Variants in IGSF21 observed in about 807,000 individuals in gnomAD.
IGSF21 encodes immunoglobin superfamily member 21, also known as immunoglobulin superfamily member 21.
In IGSF21, 28 loss-of-function variants were observed where a neutral mutation model predicts 46.8. That is an observed-to-expected ratio of 0.60 (90% CI 0.44 to 0.82). The LOEUF (loss-of-function observed/expected upper bound fraction) is 0.82. Among genes scored for constraint, IGSF21 ranks in the 40% least tolerant of loss-of-function variants. The pLI is 0.00. For missense variants in IGSF21, 624 were observed against 665.5 expected, an observed-to-expected ratio of 0.94 and a Z score of 0.69; for synonymous variants, 284 against 273.6, an observed-to-expected ratio of 1.04 and a Z score of -0.38.
At chr1:18,158,329 G>A (rs554283412) in intron 1 of IGSF21, among the ~76,000 whole-genome samples, 215 of 152,368 alleles carry the variant, frequency 1.4e-3, no homozygotes, top group African/African-American at 5.0e-3. Context: ...CTGCTGTTAA[G>A]TGTTTCTTCC....
At chr1:18,239,033 G>T (rs1454242671) in intron 2 of IGSF21, among the ~76,000 whole-genome samples, 2 of 151,628 alleles carry the variant, frequency 1.3e-5, no homozygotes. Flanking sequence ...CCCAGCTGAG[G>T]CTTGAACAAT....
chr1:18,147,035 C>T (rs9659598), intron 1 of IGSF21, among the ~76,000 whole-genome samples: 13,124 of 152,176 alleles, frequency 0.086, 851 homozygotes, highest in African/African-American at 0.18. Flanking sequence ...CCCAATACAT[C>T]CTGCATCTGG....
chr1:18,354,374 T>C (rs1378478252), intron 4 of IGSF21, among the ~76,000 whole-genome samples: 1 of 151,204 alleles, frequency 6.6e-6, no homozygotes, highest in Non-Finnish European at 1.5e-5. Context: ...CTAGTGGAGA[T>C]GATGGGGAAG....
At chr1:18,115,838 G>GAAAGAAAGAAAGA (rs2086182720) in intron 1 of IGSF21, 1 of 100,384 alleles carries the variant, frequency 1.0e-5, no homozygotes, top group African/African-American at 4.5e-5. Flanking sequence ...AGGAAGGAAG[G>GAAAGAAAGAAAGA]AAGGAAGAAA....
chr1:18,216,788 A>T (rs1450461914), intron 1 of IGSF21, among the ~76,000 whole-genome samples: 1 of 152,160 alleles, frequency 6.6e-6, no homozygotes, highest in Non-Finnish European at 1.5e-5. Flanking sequence ...TTAGTCCAGC[A>T]TGGAAGAGTG....
intron 1 of IGSF21, among the ~76,000 whole-genome samples, chr1:18,138,403 C>A (rs866237549): frequency 2.6e-5 from 4 of 152,194 alleles, no homozygotes; most frequent in African/African-American, 9.6e-5. Flanking sequence ...GCACGGGGGA[C>A]CGTATTCCTA....
intron 4 of IGSF21, among the ~76,000 whole-genome samples, chr1:18,349,846 C>T (rs2085932402): frequency 6.6e-6 from 1 of 151,908 alleles, no homozygotes; most frequent in Admixed American, 6.6e-5. Context: ...ATCTCTTGAG[C>T]CCAGAAGTTC....
In IGSF21 at chr1:18,242,594, A is replaced by G. The variant is rs376714068; in HGVS notation, c.183+14584A>G. ...TCAATTGGCACATTAATTATATGGG[A>G]GCAGGTGCTTCTAAAATAATTGAGG... On this transcript the variant is annotated intron_variant, in intron 2 of 9. Coordinates refer to ENST00000251296, the MANE Select transcript of IGSF21 (RefSeq NM_032880.5). Among the ~76,000 whole-genome samples the G allele has an allele frequency of 1.6e-4, 25 of 152,272 alleles. No homozygotes were observed. The East Asian group carries it at 4.8e-3, about 29-fold the overall frequency.
At chr1:18,145,387 A>G (rs1485882237) in intron 1 of IGSF21, among the ~76,000 whole-genome samples, 2 of 152,108 alleles carry the variant, frequency 1.3e-5, no homozygotes, top group Non-Finnish European at 2.9e-5. Flanking sequence ...AGGCATTCAA[A>G]GTTAATGGCA....
intron 1 of IGSF21, among the ~76,000 whole-genome samples, chr1:18,143,350 G>C (rs1387583100): frequency 6.6e-6 from 1 of 151,950 alleles, no homozygotes; most frequent in Non-Finnish European, 1.5e-5. Flanking sequence ...ACAACAGCCT[G>C]GACCCTGATC....
At chr1:18,358,774 G>T (rs1413861807) in intron 4 of IGSF21, among the ~76,000 whole-genome samples, 5 of 152,198 alleles carry the variant, frequency 3.3e-5, no homozygotes, top group African/African-American at 1.2e-4. Flanking sequence ...GCTCAGAGAG[G>T]TTAAGTAACT....
intron 2 of IGSF21, among the ~76,000 whole-genome samples, chr1:18,281,573 A>C (rs373911932): frequency 6.6e-6 from 1 of 151,828 alleles, no homozygotes; most frequent in Non-Finnish European, 1.5e-5. Context: ...CTCAAAAAAA[A>C]AAAAAAAAAG....
At chr1:18,218,309 A>C (rs2084474006) in intron 1 of IGSF21, among the ~76,000 whole-genome samples, 1 of 152,186 alleles carries the variant, frequency 6.6e-6, no homozygotes, top group Non-Finnish European at 1.5e-5. Context: ...GCAGCAAGGG[A>C]AAAGTCTGCC....
intron 4 of IGSF21, among the ~76,000 whole-genome samples, chr1:18,350,709 C>G (rs1382685346): frequency 6.6e-6 from 1 of 152,212 alleles, no homozygotes; most frequent in African/African-American, 2.4e-5. Context: ...CCTCCCCACT[C>G]ACCCACCTCA....
chr1:18,234,574 G>A (rs1374567341), intron 2 of IGSF21, among the ~76,000 whole-genome samples: 3 of 152,134 alleles, frequency 2.0e-5, no homozygotes, highest in Non-Finnish European at 4.4e-5. Context: ...GGCTGGGGAG[G>A]CCTCAGGAAA....
chr1:18,317,053 G>C (rs2085550024), intron 3 of IGSF21, among the ~76,000 whole-genome samples: 1 of 152,168 alleles, frequency 6.6e-6, no homozygotes. Flanking sequence ...GTGTGACCTT[G>C]GGTGAGTCAC....
intron 4 of IGSF21, among the ~76,000 whole-genome samples, chr1:18,349,689 G>A (rs1292205606): frequency 1.3e-5 from 2 of 152,176 alleles, no homozygotes; most frequent in Non-Finnish European, 2.9e-5. Context: ...CAGGTGCCAG[G>A]TGTGGGTCTA....
At chr1:18,209,533 C>T (rs544441559) in intron 1 of IGSF21, among the ~76,000 whole-genome samples, 38 of 151,892 alleles carry the variant, frequency 2.5e-4, no homozygotes, top group African/African-American at 8.7e-4. Context: ...TGGCTCACTG[C>T]AACCTCTGCC....
intron 1 of IGSF21, among the ~76,000 whole-genome samples, chr1:18,120,191 T>G (rs1442728530): frequency 6.6e-6 from 1 of 152,216 alleles, no homozygotes; most frequent in Non-Finnish European, 1.5e-5. Flanking sequence ...GTGCAGCCCC[T>G]TGGAGCTAGA....
Sources: gnomAD v4.1 joint callset for allele counts (sites outside exome capture counted in the v4.1 genomes callset) on GRCh38, gnomAD v4.1.1 for gene constraint, MANE v1.5 for transcripts, NCBI Gene and HGNC (gene_info 2026-07-23, HGNC 2026-07-21) for gene names.